The following SDK2 variants were observed in gnomAD, a reference collection of about 807,000 sequenced individuals.
SDK2 encodes protein sidekick-2.
SDK2 carries 105 observed loss-of-function variants against 253.9 expected under a neutral mutation model. The ratio of observed to expected loss-of-function variants is 0.41; its 90% CI spans 0.35 to 0.49. The LOEUF (loss-of-function observed/expected upper bound fraction) is 0.49. Among genes scored for constraint, SDK2 ranks in the 20% least tolerant of loss-of-function variants. The probability of loss-of-function intolerance (pLI) is 0.06; values close to 1 mark genes in which losing one functional copy is unlikely to be tolerated. For synonymous variants in SDK2, 1,249 were observed against 1,234.9 expected (o/e 1.01, Z -0.24); for missense variants, 2,608 against 3,003.0 (o/e 0.87, Z 3.07).
chr17:73,412,136 G>A (rs62072153), intron 18 of SDK2, among the ~76,000 whole-genome samples: 38,366 of 66,980 alleles, frequency 0.57, 6,602 homozygotes, highest in East Asian at 0.74. Context: ...ATATGTGTAT[G>A]TGTATATGTA....
At chr17:73,631,916 C>A (rs1341210832) in intron 1 of SDK2, among the ~76,000 whole-genome samples, 1 of 152,222 alleles carries the variant, frequency 6.6e-6, no homozygotes, top group East Asian at 1.9e-4. Flanking sequence ...CCAAATAAGA[C>A]CCCACTGCTG....
chr17:73,447,640 G>A lies in SDK2; in HGVS notation c.588C>T (p.Ser196=). Residue 196 remains serine, a synonymous_variant, in exon 5 of 45, where the codon AGC becomes AGT. Transcript: ENST00000392650. This position sits in a 1 kb window ranked among gnomAD's most constrained non-coding sequence, Gnocchi z 4.0. ...TCTCCACGGTGAGCGTGATGGGCTGGCTGGTCTTGTTATCCCCGTTTTTGT... is the reference window on the plus strand; with the variant it reads ...TCTCCACGGTGAGCGTGATGGGCTGACTGGTCTTGTTATCCCCGTTTTTGT... ...VNDKNGDNKT[S]QPITLTVENV... The A allele has an allele frequency of 6.4e-7, 1 of 1,551,874 alleles. No homozygotes were observed. Among genetic ancestry groups the A allele is most frequent in the South Asian group, 1.2e-5 (1 of 84,064 alleles).
Position 73,423,507 on chromosome 17 carries a change from C to A in SDK2, c.1776G>T (p.Ala592=), listed in dbSNP as rs190790569. 1 of 1,570,602 alleles carries A rather than the reference C, an allele frequency of 6.4e-7. No homozygotes were observed. The highest frequency in any genetic ancestry group is 8.7e-7 in the Non-Finnish European group (1 of 1,155,134). ...AHLRVRQLPH[A]PEHPVATLST... Reference sequence around the variant, plus strand: ...TGAGAGTGGCCACTGGGTGCTCGGGCGCGTGGGGCAGTTGCCTGGAAAAGA... The same window carrying A: ...TGAGAGTGGCCACTGGGTGCTCGGGAGCGTGGGGCAGTTGCCTGGAAAAGA... Residue 592 remains alanine (A), a synonymous_variant, in exon 14 of 45, where the codon GCG becomes GCT. Coordinates refer to ENST00000392650, the MANE Select transcript of SDK2 (RefSeq NM_001144952.2).
rs373774628 is a variant in SDK2, at chr17:73,408,046, C to CTTTTTTTTTTT, written c.2485-5906_2485-5905insAAAAAAAAAAA. On this transcript the variant is annotated intron_variant, in intron 18 of 44. Coordinates refer to ENST00000392650, the MANE Select transcript of SDK2 (RefSeq NM_001144952.2). ...ACACCATCTAGGAAGTAAAATATTT[C>CTTTTTTTTTTT]CTTTTTTTTTTTTTTTTTCTTTTGA... Among the ~76,000 whole-genome samples the CTTTTTTTTTTT allele has an allele frequency of 5.5e-4, 28 of 50,958 alleles. 6 individuals carry two copies. Among genetic ancestry groups the CTTTTTTTTTTT allele is most frequent in the Admixed American group, 1.1e-3 (4 of 3,514 alleles). The allele number at this position is 50,958 out of a possible 152,430, so 33.4% of individuals were successfully genotyped here. A position where few individuals can be genotyped will look rare whatever the true frequency, so the allele number is the denominator to read the frequency against.
chr17:73,413,057 G>C (rs955611085), intron 18 of SDK2, among the ~76,000 whole-genome samples: 3 of 152,242 alleles, frequency 2.0e-5, no homozygotes, highest in Non-Finnish European at 2.9e-5. Flanking sequence ...ACCAGTCTGT[G>C]GTCTGTTAGG....
At chr17:73,529,996 T>A (rs1017874248) in intron 1 of SDK2, among the ~76,000 whole-genome samples, 1 of 152,102 alleles carries the variant, frequency 6.6e-6, no homozygotes, top group Non-Finnish European at 1.5e-5. Context: ...TGGGGTTAAG[T>A]GAAATTCTCT....
At position 73,643,858 on chromosome 17, in the gene SDK2, GC is replaced by G. The variant is rs1399259341; in HGVS notation, c.64+166del. ...GAGAGACTGCCCCACCCCCAAAAGA[GC>G]CCCAAAACTTGGGAGATGGGGTGTC... On this transcript the variant is annotated intron_variant, in intron 1 of 44. Coordinates refer to ENST00000392650, the MANE Select transcript of SDK2 (RefSeq NM_001144952.2). This position sits in a 1 kb window ranked among gnomAD's most constrained non-coding sequence, Gnocchi z 6.9. 6.6e-6 allele frequency among the ~76,000 whole-genome samples: 1 copy of G among 151,960 alleles called. No individual in the cohort carries two copies. Among genetic ancestry groups the G allele is most frequent in the Non-Finnish European group, 1.5e-5 (1 of 68,012 alleles).
At chr17:73,571,720 C>A (rs1007696866) in intron 1 of SDK2, among the ~76,000 whole-genome samples, 18 of 152,212 alleles carry the variant, frequency 1.2e-4, no homozygotes, top group African/African-American at 4.3e-4. Flanking sequence ...GTTTCCCGCC[C>A]GGCCTGCCTT....
intron 7 of SDK2, 47 bp downstream of exon 7, chr17:73,437,916 GC>G (rs2063382726): frequency 6.3e-7 from 1 of 1,583,684 alleles, no homozygotes; most frequent in African/African-American, 1.3e-5. Flanking sequence ...CCCTCGCCGT[GC>G]TGCCCCTACC....
intron 3 of SDK2, among the ~76,000 whole-genome samples, chr17:73,466,720 C>CCT: frequency 6.8e-6 from 1 of 146,502 alleles, no homozygotes; most frequent in South Asian, 2.2e-4. Flanking sequence ...GGAACGCCCC[C>CCT]CCCCCCCGGC....
chr17:73,435,360 A>G lies in SDK2; in HGVS notation c.1195+90T>C, dbSNP rs2063358598. 7.7e-7 allele frequency: 1 copy of G among 1,296,094 alleles called. No homozygotes were observed. The highest frequency in any genetic ancestry group is 1.1e-6 in the Non-Finnish European group (1 of 945,912). The allele number at this position is 1,296,094 out of a possible 1,614,324, so 80.3% of individuals were successfully genotyped here. ...TCCTATCTGCTTAATGGAACGTGCT[A>G]TGCACAAGAGGCCCCTCGGAAGACC... On this transcript the variant is annotated intron_variant, in intron 9 of 44. Transcript: ENST00000392650. The surrounding 1 kb of genome is among the most constrained non-coding windows in gnomAD (Gnocchi z 5.7).
At chr17:73,537,104 TGTGC>T (rs1292575232) in intron 1 of SDK2, among the ~76,000 whole-genome samples, 2 of 152,110 alleles carry the variant, frequency 1.3e-5, no homozygotes, top group Admixed American at 6.5e-5. Context: ...TCACGACGCA[TGTGC>T]GTGCGTGCGT....
chr17:73,343,054 C>T (rs982510144), intron 44 of SDK2, among the ~76,000 whole-genome samples: 3 of 152,188 alleles, frequency 2.0e-5, no homozygotes, highest in Non-Finnish European at 4.4e-5. Context: ...CACTAACCCC[C>T]GACTCCAAGA....
intron 1 of SDK2, among the ~76,000 whole-genome samples, chr17:73,561,997 G>A (rs1420867809): frequency 1.3e-5 from 2 of 152,062 alleles, no homozygotes; most frequent in Admixed American, 1.3e-4. Context: ...GTGGTGGTGT[G>A]CGCCTGTAAT....
chr17:73,457,007 C>T (rs1748153782), intron 3 of SDK2, among the ~76,000 whole-genome samples: 1 of 152,226 alleles, frequency 6.6e-6, no homozygotes, highest in Admixed American at 6.5e-5. Context: ...CCCCCCAAGA[C>T]CTGCTGGATC....
Position 73,534,318 on chromosome 17 carries a change from G to A in SDK2, c.65-26721C>T, listed in dbSNP as rs767798985. Among the ~76,000 whole-genome samples the A allele has an allele frequency of 1.3e-5, 2 of 152,214 alleles. No individual in the cohort carries two copies. The highest frequency in any genetic ancestry group is 1.5e-5 in the Non-Finnish European group (1 of 68,044). On this transcript the variant is annotated intron_variant, in intron 1 of 44. Coordinates refer to ENST00000392650, the MANE Select transcript of SDK2 (RefSeq NM_001144952.2). The surrounding 1 kb of genome is among the most constrained non-coding windows in gnomAD (Gnocchi z 4.9). ...AGGGGAGTGGCATTAAATAGCTGGC[G>A]GCAGGGAGACACAGCTGTCCATGAT...
At chr17:73,422,510 C>T (rs1349395748) in intron 14 of SDK2, 76 bp from the exon 15 acceptor site, 1 of 1,518,104 alleles carries the variant, frequency 6.6e-7, no homozygotes, top group Non-Finnish European at 9.1e-7. Context: ...CCACTCCCAG[C>T]AGGGTCCAGC....
At position 73,395,438 on chromosome 17, in the gene SDK2, C is replaced by CA; in HGVS notation, c.3355-47dup. 6.5e-7 allele frequency: 1 copy of CA among 1,535,388 alleles called. No individual in the cohort carries two copies. Among genetic ancestry groups the CA allele is most frequent in the Non-Finnish European group, 9.0e-7 (1 of 1,111,028 alleles). ...CAAAGCTGCTATGAGCCAGGCCCCC[C>CA]ACTGTGCAGGGAGGAACTGCCCTGC... On this transcript the variant is annotated intron_variant, in intron 24 of 44. Coordinates refer to ENST00000392650, the MANE Select transcript of SDK2 (RefSeq NM_001144952.2). The surrounding 1 kb of genome is among the most constrained non-coding windows in gnomAD (Gnocchi z 4.3).
chr17:73,347,624 T>G (rs1166362040), intron 44 of SDK2, among the ~76,000 whole-genome samples: 1 of 152,126 alleles, frequency 6.6e-6, no homozygotes, highest in Non-Finnish European at 1.5e-5. Context: ...TGGCACCTCT[T>G]CCTTCACTTC....
Sources: allele counts gnomAD v4.1 joint callset (sites outside exome capture counted in the v4.1 genomes callset), GRCh38; gene constraint gnomAD v4.1.1; non-coding constraint Gnocchi (gnomAD v3.1); transcripts MANE v1.5; gene names NCBI Gene and HGNC (gene_info 2026-07-23, HGNC 2026-07-21).